The following EFL1 variants were observed in gnomAD, a reference collection of about 807,000 sequenced individuals.
The protein encoded by EFL1 is elongation factor-like GTPase 1.
A neutral mutation model predicts 126.7 loss-of-function variants in EFL1; 76 were observed. The ratio of observed to expected loss-of-function variants is 0.60; its 90% CI spans 0.50 to 0.73. The LOEUF (loss-of-function observed/expected upper bound fraction) is 0.73. Among genes scored for constraint, EFL1 ranks in the 30% least tolerant of loss-of-function variants. The probability of loss-of-function intolerance (pLI) is 0.00; values close to 1 mark genes in which losing one functional copy is unlikely to be tolerated. For synonymous variants in EFL1, 410 were observed against 448.4 expected, an observed-to-expected ratio of 0.91 and a Z score of 1.08; for missense variants, 1,128 against 1,343.2, an observed-to-expected ratio of 0.84 and a Z score of 2.50.
intron 6 of EFL1, 117 bp from the exon 7 acceptor site, chr15:82,238,638 A>C (rs1242638422): frequency 4.9e-6 from 4 of 824,240 alleles, no homozygotes; most frequent in Non-Finnish European, 7.6e-6. Flanking sequence ...GGGCTCATTA[A>C]GCATACATGA....
intron 18 of EFL1, among the ~76,000 whole-genome samples, chr15:82,142,070 C>T (rs1325066011): frequency 2.0e-5 from 3 of 152,166 alleles, no homozygotes; most frequent in Non-Finnish European, 4.4e-5. Context: ...CCTAAATGTG[C>T]CATTGTCATC....
chr15:82,255,593 A>T (rs2075059884), intron 3 of EFL1, among the ~76,000 whole-genome samples: 1 of 152,204 alleles, frequency 6.6e-6, no homozygotes, highest in South Asian at 2.1e-4. Flanking sequence ...ATTAGCCCAT[A>T]TTATTTTCTA....
rs1567064778 is a variant in EFL1, at chr15:82,211,571, CACACACACACTAGACACATACTAG to C, written c.1750+3122_1750+3145del. On this transcript the variant is annotated intron_variant, in intron 15 of 19. Coordinates refer to ENST00000268206, the MANE Select transcript of EFL1 (RefSeq NM_024580.6). ...ATATACACACACACACACACACACA[CACACACACACTAGACACATACTAG>C]ACACACACACACACACACACACACT... Among the ~76,000 whole-genome samples the C allele has an allele frequency of 4.0e-4, 52 of 130,920 alleles. 1 individual carries two copies. Among genetic ancestry groups the C allele is most frequent in the Non-Finnish European group, 6.0e-4 (36 of 60,490 alleles). The allele number at this position is 130,920 out of a possible 152,430, so 85.9% of individuals were successfully genotyped here.
chr15:82,182,820 G>A (rs1279456344), intron 15 of EFL1, among the ~76,000 whole-genome samples: 2 of 148,322 alleles, frequency 1.3e-5, no homozygotes, highest in Admixed American at 6.7e-5. Context: ...GCCAGACTCC[G>A]TCTCAAAAAA....
chr15:82,215,320 AC>A (rs1459646385), intron 14 of EFL1, among the ~76,000 whole-genome samples: 2 of 152,148 alleles, frequency 1.3e-5, no homozygotes, highest in Non-Finnish European at 2.9e-5. Context: ...TATAAAAATA[AC>A]TTTGGAAGGG....
intron 15 of EFL1, among the ~76,000 whole-genome samples, chr15:82,204,205 C>T (rs189848335): frequency 5.3e-5 from 8 of 152,220 alleles, no homozygotes; most frequent in Admixed American, 4.6e-4. Context: ...ACATGTTTCT[C>T]TATCCAGTAT....
rs1048334716 is a variant in EFL1 at position 82,185,215 on chromosome 15, G to A, written c.1751-21231C>T. 2.3e-5 allele frequency among the ~76,000 whole-genome samples: 3 copies of A among 133,040 alleles called. 1 individual carries two copies. Among genetic ancestry groups the A allele is most frequent in the African/African-American group, 6.0e-5 (2 of 33,092 alleles). The allele number at this position is 133,040 out of a possible 152,430, so 87.3% of individuals were successfully genotyped here. A position where few individuals can be genotyped will look rare whatever the true frequency, so the allele number is the denominator to read the frequency against. ...TGTGTGTGTGTGTGTGTGTGTGTGTGCGTTCCTCAATTCACGGAGTGAAAA... is the reference window on the plus strand; with the variant it reads ...TGTGTGTGTGTGTGTGTGTGTGTGTACGTTCCTCAATTCACGGAGTGAAAA... On this transcript the variant is annotated intron_variant, in intron 15 of 19. Transcript: ENST00000268206.
intron 10 of EFL1, 105 bp downstream of exon 10, chr15:82,228,086 T>C: frequency 2.2e-6 from 3 of 1,389,524 alleles, no homozygotes; most frequent in Non-Finnish European, 2.9e-6. Context: ...AAGACTTATT[T>C]TGGATTGAAT....
intron 12 of EFL1, among the ~76,000 whole-genome samples, chr15:82,224,844 G>A (rs749929351): frequency 6.6e-6 from 1 of 152,204 alleles, no homozygotes; most frequent in Non-Finnish European, 1.5e-5. Flanking sequence ...AGAATTAGAT[G>A]AGACAAGGCA....
At chr15:82,259,500 C>T (rs75786535) in intron 2 of EFL1, among the ~76,000 whole-genome samples, 2,734 of 152,252 alleles carry the variant, frequency 0.018, 29 homozygotes, top group Non-Finnish European at 0.026. Context: ...AAAATACTTA[C>T]TTATCAAAGA....
chr15:82,211,581 C>CACACACA (rs1555429481), intron 15 of EFL1, among the ~76,000 whole-genome samples: 2 of 73,346 alleles, frequency 2.7e-5, no homozygotes, highest in Admixed American at 1.2e-4. Flanking sequence ...CACACACACA[C>CACACACA]TAGACACATA....
chr15:82,190,319 C>A (rs1595971904), intron 15 of EFL1, among the ~76,000 whole-genome samples: 1 of 152,270 alleles, frequency 6.6e-6, no homozygotes, highest in Non-Finnish European at 1.5e-5. Flanking sequence ...TGATTTTAAT[C>A]AATGCAATGC....
At chr15:82,176,252 A>T (rs904056705) in intron 15 of EFL1, among the ~76,000 whole-genome samples, 9 of 152,234 alleles carry the variant, frequency 5.9e-5, no homozygotes, top group African/African-American at 2.2e-4. Context: ...GAATAACAAC[A>T]TAGAATATCA....
chr15:82,261,015 G>A (rs2075109726), intron 2 of EFL1, among the ~76,000 whole-genome samples: 1 of 152,134 alleles, frequency 6.6e-6, no homozygotes, highest in South Asian at 2.1e-4. Flanking sequence ...AGCTATCTCT[G>A]CCTTTCCCAT....
intron 14 of EFL1, among the ~76,000 whole-genome samples, chr15:82,215,057 T>TA (rs1435468270): frequency 1.3e-5 from 2 of 152,222 alleles, no homozygotes; most frequent in Non-Finnish European, 2.9e-5. Context: ...TCTCAAATAC[T>TA]AAAAAATTGT....
intron 18 of EFL1, among the ~76,000 whole-genome samples, chr15:82,151,236 A>C (rs2073903229): frequency 6.6e-6 from 1 of 152,134 alleles, no homozygotes; most frequent in African/African-American, 2.4e-5. Context: ...AACACAAAAA[A>C]ACTTAGCTGC....
intron 8 of EFL1, among the ~76,000 whole-genome samples, 166 bp from the exon 9 acceptor site, chr15:82,229,276 A>G (rs2074796522): frequency 1.3e-5 from 2 of 152,200 alleles, no homozygotes; most frequent in South Asian, 4.1e-4. Flanking sequence ...AACAGTCAAT[A>G]ATCCACAATC....
At chr15:82,184,791 T>C (rs187128533) in intron 15 of EFL1, among the ~76,000 whole-genome samples, 49 of 152,322 alleles carry the variant, frequency 3.2e-4, no homozygotes, top group African/African-American at 1.2e-3. Context: ...TCCTCACAAT[T>C]TGACAGATAA....
chr15:82,251,386 T>C (rs949175856), intron 4 of EFL1, among the ~76,000 whole-genome samples: 3 of 152,136 alleles, frequency 2.0e-5, no homozygotes, highest in African/African-American at 4.8e-5. Context: ...GTGAATTTTA[T>C]GGTATATAAA....
Sources: gnomAD v4.1 joint callset for allele counts (sites outside exome capture counted in the v4.1 genomes callset) on GRCh38, gnomAD v4.1.1 for gene constraint, MANE v1.5 for transcripts, NCBI Gene and HGNC (gene_info 2026-07-23, HGNC 2026-07-21) for gene names.